Variants in DCLK1 observed in about 807,000 individuals in gnomAD.
DCLK1 encodes doublecortin like kinase 1.
A neutral mutation model predicts 86.2 loss-of-function variants in DCLK1; 16 were observed. That is an observed-to-expected ratio of 0.19 (90% CI 0.13 to 0.28). The LOEUF is 0.28. Ranked by LOEUF, DCLK1 falls within the 10% of genes least tolerant of loss-of-function variation. The pLI, the probability that DCLK1 is intolerant of heterozygous loss-of-function variation, is 1.00. For missense variants in DCLK1, 590 were observed against 940.2 expected (o/e 0.63, Z 4.87); for synonymous variants, 369 against 370.5 (o/e 1.00, Z 0.05).
chr13:35,952,942 T>C (rs1433407603), intron 3 of DCLK1, among the ~76,000 whole-genome samples: 2 of 152,212 alleles, frequency 1.3e-5, no homozygotes, highest in East Asian at 1.9e-4. Context: ...TGAGCCCATA[T>C]TGGCCTATAA....
intron 5 of DCLK1, among the ~76,000 whole-genome samples, chr13:35,858,047 C>T (rs138833980): frequency 1.1e-3 from 165 of 152,196 alleles, no homozygotes; most frequent in African/African-American, 3.9e-3. Context: ...TTTAAGCAGG[C>T]GCCACAGGAT....
intron 5 of DCLK1, among the ~76,000 whole-genome samples, chr13:35,854,930 C>A (rs1254966446): frequency 1.3e-5 from 2 of 152,190 alleles, no homozygotes; most frequent in African/African-American, 4.8e-5. Flanking sequence ...TGAGATTAAT[C>A]CTTAACTCTT....
chr13:35,914,045 C>T (rs1445232103), intron 4 of DCLK1, among the ~76,000 whole-genome samples: 1 of 151,936 alleles, frequency 6.6e-6, no homozygotes, highest in African/African-American at 2.4e-5. Flanking sequence ...GGGCTGGGCA[C>T]GATGGCTCAT....
At chr13:35,992,000 T>C (rs1411771624) in intron 3 of DCLK1, among the ~76,000 whole-genome samples, 1 of 152,228 alleles carries the variant, frequency 6.6e-6, no homozygotes, top group Non-Finnish European at 1.5e-5. Context: ...TATTTAATTA[T>C]AAAAATTATG....
At chr13:35,960,194 C>A (rs12857656) in intron 3 of DCLK1, among the ~76,000 whole-genome samples, 2 of 152,170 alleles carry the variant, frequency 1.3e-5, no homozygotes, top group Admixed American at 6.5e-5. Context: ...CCCCCTTAAT[C>A]CATCCTCTGG....
At chr13:35,936,992 C>T (rs529145085) in intron 4 of DCLK1, among the ~76,000 whole-genome samples, 7 of 79,932 alleles carry the variant, frequency 8.8e-5, no homozygotes, top group Admixed American at 1.5e-4. Flanking sequence ...TTTTTTGAGA[C>T]GGAGTCTCTC....
intron 12 of DCLK1, among the ~76,000 whole-genome samples, chr13:35,810,246 G>A (rs1227824801): frequency 6.6e-6 from 1 of 152,218 alleles, no homozygotes; most frequent in Admixed American, 6.5e-5. Context: ...AGAGTAAGAA[G>A]TAAAGGAGTT....
intron 4 of DCLK1, among the ~76,000 whole-genome samples, chr13:35,918,965 A>G (rs539281066): frequency 6.4e-4 from 81 of 127,388 alleles, no homozygotes; most frequent in African/African-American, 2.2e-3. Flanking sequence ...CAGTGGTGCA[A>G]TCTCCCAGCT....
At chr13:36,065,253 A>G (rs1222234420) in intron 3 of DCLK1, among the ~76,000 whole-genome samples, 3 of 152,208 alleles carry the variant, frequency 2.0e-5, no homozygotes, top group African/African-American at 7.2e-5. Context: ...GCATAGAAAC[A>G]GCACACATCT....
At chr13:36,060,504 T>C (rs1439488748) in intron 3 of DCLK1, among the ~76,000 whole-genome samples, 3 of 152,212 alleles carry the variant, frequency 2.0e-5, no homozygotes, top group Admixed American at 6.5e-5. Context: ...AGACATTCCG[T>C]ATTATACTTG....
chr13:35,787,804 G>C, intron 16 of DCLK1: 1 of 263,262 alleles, frequency 3.8e-6, no homozygotes, highest in South Asian at 4.3e-5. Context: ...GGTTGGGCTT[G>C]ATGACTTTAA....
intron 15 of DCLK1, among the ~76,000 whole-genome samples, chr13:35,803,264 C>G (rs944361854): frequency 6.6e-6 from 1 of 152,096 alleles, no homozygotes; most frequent in African/African-American, 2.4e-5. Context: ...TGTTATGAGG[C>G]TCAAGTAAGA....
intron 3 of DCLK1, among the ~76,000 whole-genome samples, chr13:36,038,707 T>C (rs2153154674): frequency 6.6e-6 from 1 of 152,348 alleles, no homozygotes; most frequent in African/African-American, 2.4e-5. Context: ...AATATCTATT[T>C]AATTTTACTA....
At chr13:35,927,085 A>G (rs764368650) in intron 4 of DCLK1, among the ~76,000 whole-genome samples, 42 of 152,200 alleles carry the variant, frequency 2.8e-4, no homozygotes, top group Admixed American at 9.2e-4. Context: ...GCTTCCTCAT[A>G]TTGTGAAATG....
At chr13:35,983,816 G>A (rs933113644) in intron 3 of DCLK1, among the ~76,000 whole-genome samples, 3 of 152,176 alleles carry the variant, frequency 2.0e-5, no homozygotes, top group South Asian at 2.1e-4. Flanking sequence ...AGACAGCAAC[G>A]AACTGCAATC....
At chr13:35,952,376 G>A (rs1357833925) in intron 3 of DCLK1, among the ~76,000 whole-genome samples, 2 of 152,158 alleles carry the variant, frequency 1.3e-5, no homozygotes, top group Non-Finnish European at 2.9e-5. Context: ...CAGAGAATGG[G>A]TGGAAAGCTG....
intron 4 of DCLK1, among the ~76,000 whole-genome samples, chr13:35,903,579 T>G (rs1023842198): frequency 6.6e-6 from 1 of 152,148 alleles, no homozygotes; most frequent in Non-Finnish European, 1.5e-5. Flanking sequence ...CTTTAATATT[T>G]TCTAAGGAAC....
chr13:36,126,094 C>T lies in DCLK1; in HGVS notation c.44G>A (p.Arg15Gln). 6.2e-7 allele frequency: 1 copy of T among 1,608,312 alleles called. No individual in the cohort carries two copies. The highest frequency in any genetic ancestry group is 8.5e-7 in the Non-Finnish European group (1 of 1,177,544). Reference sequence around the variant, plus strand: ...TCGGCTGTATCTCTGCGCCTTATCCCGCTCGTCGAAGTGCTCCAGCTCCAT... The same window carrying T: ...TCGGCTGTATCTCTGCGCCTTATCCTGCTCGTCGAAGTGCTCCAGCTCCAT... ...RDMELEHFDE[R>Q]DKAQRYSRGS... The change falls in exon 2 of 17, where the codon CGG becomes CAG. Residue 15 changes from arginine (R) to glutamine (Q), a missense_variant. Coordinates refer to ENST00000360631, the MANE Select transcript of DCLK1 (RefSeq NM_001330071.2).
intron 3 of DCLK1, among the ~76,000 whole-genome samples, chr13:36,073,100 A>C (rs1884038802): frequency 6.6e-6 from 1 of 152,228 alleles, no homozygotes. Flanking sequence ...GGTATAACTT[A>C]CATGCCATAA....
Sources: gnomAD v4.1 joint callset for allele counts (sites outside exome capture counted in the v4.1 genomes callset) on GRCh38, gnomAD v4.1.1 for gene constraint, MANE v1.5 for transcripts, NCBI Gene and HGNC (gene_info 2026-07-23, HGNC 2026-07-21) for gene names.